Variants in TMEM192 observed in about 807,000 individuals in gnomAD.
TMEM192 encodes transmembrane protein 192.
TMEM192 carries 20 observed loss-of-function variants against 26.7 expected under a neutral mutation model. The observed-to-expected ratio is 0.75, with a 90% CI of 0.53 to 1.09. The LOEUF (loss-of-function observed/expected upper bound fraction) is 1.09. Ranked by LOEUF, TMEM192 falls within the 50% of genes least tolerant of loss-of-function variation. TMEM192 has a pLI of 0.00. For synonymous variants in TMEM192, 124 were observed against 121.0 expected (o/e 1.02, Z -0.16); for missense variants, 304 against 322.6 (o/e 0.94, Z 0.44).
intron 4 of TMEM192, among the ~76,000 whole-genome samples, chr4:165,087,667 C>CGGT (rs149425570): frequency 0.024 from 3,636 of 152,018 alleles, 144 homozygotes; most frequent in African/African-American, 0.083. Context: ...GGGCTGGGTG[C>CGGT]GGTGGGTCAT....
At chr4:165,093,053 G>C (rs1039871594) in intron 3 of TMEM192, among the ~76,000 whole-genome samples, 14 of 145,750 alleles carry the variant, frequency 9.6e-5, no homozygotes, top group Non-Finnish European at 1.7e-4. Flanking sequence ...TTGTAAATCA[G>C]TTTTGTGAAC....
chr4:165,080,522 A>T (rs1157113037), intron 5 of TMEM192, among the ~76,000 whole-genome samples: 1 of 152,142 alleles, frequency 6.6e-6, no homozygotes, highest in African/African-American at 2.4e-5. Flanking sequence ...ATAAAATGTT[A>T]TTGGATGTGT....
intron 3 of TMEM192, among the ~76,000 whole-genome samples, chr4:165,092,354 G>A (rs1560929886): frequency 2.0e-5 from 3 of 151,928 alleles, no homozygotes; most frequent in South Asian, 2.1e-4. Context: ...ACTTCTGACC[G>A]CAAGTGATCC....
intron 3 of TMEM192, among the ~76,000 whole-genome samples, chr4:165,097,585 T>TTG (rs1553989116): frequency 1.2e-4 from 17 of 140,378 alleles, no homozygotes; most frequent in South Asian, 6.7e-4. Flanking sequence ...TTTTTTTTTT[T>TTG]GGAGAAAAAA....
Position 165,076,305 on chromosome 4 carries a change from C to T in TMEM192, c.*3353G>A, listed in dbSNP as rs533851240. The T allele has an allele frequency of 3.9e-5, 6 of 152,256 alleles. No individual in the cohort carries two copies. Among genetic ancestry groups the T allele is most frequent in the Non-Finnish European group, 1.5e-5 (1 of 68,022 alleles). The allele number at this position is 152,256 out of a possible 1,614,324, so 9.4% of individuals were successfully genotyped here. A position where few individuals can be genotyped will look rare whatever the true frequency, so the allele number is the denominator to read the frequency against. On this transcript the variant is annotated 3_prime_UTR_variant, in exon 6 of 6. Transcript: ENST00000306480. Reference sequence around the variant, plus strand: ...TATCTTTCTGCCACACATATTTCCTCCATATTGAACTACCATCTGATCCTG... The same window carrying T: ...TATCTTTCTGCCACACATATTTCCTTCATATTGAACTACCATCTGATCCTG...
intron 3 of TMEM192, among the ~76,000 whole-genome samples, chr4:165,091,623 G>A (rs1439871125): frequency 1.3e-5 from 2 of 152,000 alleles, no homozygotes; most frequent in Non-Finnish European, 1.5e-5. Context: ...TTTATTCTTA[G>A]CAGCAAAGGA....
At chr4:165,089,949 C>T (rs560503923) in intron 3 of TMEM192, among the ~76,000 whole-genome samples, 60 of 152,072 alleles carry the variant, frequency 3.9e-4, no homozygotes, top group Non-Finnish European at 7.9e-4. Context: ...CGGTGGCTCA[C>T]GCCTGTAATC....
intron 1 of TMEM192, among the ~76,000 whole-genome samples, chr4:165,108,214 C>T (rs1735213782): frequency 6.9e-6 from 1 of 145,636 alleles, no homozygotes; most frequent in African/African-American, 2.6e-5. Context: ...GCTCTGCCTC[C>T]TGCGTTCACA....
At chr4:165,100,161 T>TC (rs1238922534) in intron 3 of TMEM192, among the ~76,000 whole-genome samples, 1 of 109,966 alleles carries the variant, frequency 9.1e-6, no homozygotes, top group African/African-American at 5.3e-5. Context: ...TAATAAAAGT[T>TC]CTTTTTTTTT....
intron 4 of TMEM192, 29 bp downstream of exon 4, chr4:165,088,439 T>C (rs755686089): frequency 1.2e-5 from 20 of 1,600,180 alleles, no homozygotes; most frequent in South Asian, 5.6e-5. Context: ...TCGAAGTTCC[T>C]ATAAGAACAG....
rs1355208953 is a variant in TMEM192, at chr4:165,071,755, G to T, written c.*7903C>A. On this transcript the variant is annotated 3_prime_UTR_variant, in exon 6 of 6. Coordinates refer to ENST00000306480, the MANE Select transcript of TMEM192 (RefSeq NM_001100389.2). ...TACACAAAGGAAGAGTAGGAGAGAG[G>T]AGGTGGGGTGGGGTGGGAAGTGGAG... The T allele has an allele frequency of 2.0e-5, 3 of 152,324 alleles. No individual in the cohort carries two copies. The highest frequency in any genetic ancestry group is 7.2e-5 in the African/African-American group (3 of 41,482). The allele number at this position is 152,324 out of a possible 1,614,324, so 9.4% of individuals were successfully genotyped here.
intron 3 of TMEM192, among the ~76,000 whole-genome samples, chr4:165,093,976 T>A (rs1000205223): frequency 1.3e-5 from 2 of 152,202 alleles, no homozygotes; most frequent in African/African-American, 4.8e-5. Flanking sequence ...CTTGGCTGAC[T>A]GTAACCTCCG....
Position 165,078,464 on chromosome 4 carries a change from C to T in TMEM192, c.*1194G>A, listed in dbSNP as rs1228903689. 2.6e-5 allele frequency: 4 copies of T among 152,186 alleles called. No homozygotes were observed. The highest frequency in any genetic ancestry group is 7.2e-5 in the African/African-American group (3 of 41,456). The allele number at this position is 152,186 out of a possible 1,614,324, so 9.4% of individuals were successfully genotyped here. ...AGATATGTTTAATATCTGCATATAA[C>T]TTAATATGCATTTCTTCCATTACAA... On this transcript the variant is annotated 3_prime_UTR_variant, in exon 6 of 6. Transcript: ENST00000306480.
intron 5 of TMEM192, among the ~76,000 whole-genome samples, chr4:165,081,084 G>A (rs68009410): frequency 0.27 from 40,275 of 151,886 alleles, 6,025 homozygotes; most frequent in Admixed American, 0.4. Flanking sequence ...AAGTATATTC[G>A]GAAAAAGACT....
In TMEM192 at chr4:165,076,770, C is replaced by A. The variant is rs1328615242; in HGVS notation, c.*2888G>T. The A allele has an allele frequency of 1.3e-5, 2 of 152,082 alleles. No individual in the cohort carries two copies. The highest frequency in any genetic ancestry group is 3.8e-4 in the East Asian group (2 of 5,196). 9.4% of individuals were successfully genotyped at this position (152,082 alleles called of 1,614,324 possible). On this transcript the variant is annotated 3_prime_UTR_variant, in exon 6 of 6. Coordinates refer to ENST00000306480, the MANE Select transcript of TMEM192 (RefSeq NM_001100389.2). Reference sequence around the variant, plus strand: ...CCAGCCTGGTGAATAGAATGTTTAACATTTAAATTGTTTTGTTCATTTTTC... The same window carrying A: ...CCAGCCTGGTGAATAGAATGTTTAAAATTTAAATTGTTTTGTTCATTTTTC...
rs1431086114 is a variant in TMEM192 at position 165,078,019 on chromosome 4, C to A, written c.*1639G>T. 1 of 151,648 alleles carries A rather than the reference C, an allele frequency of 6.6e-6. No individual in the cohort carries two copies. The highest frequency in any genetic ancestry group is 1.5e-5 in the Non-Finnish European group (1 of 67,956). 9.4% of individuals were successfully genotyped at this position (151,648 alleles called of 1,614,324 possible). On this transcript the variant is annotated 3_prime_UTR_variant, in exon 6 of 6. Coordinates refer to ENST00000306480, the MANE Select transcript of TMEM192 (RefSeq NM_001100389.2). ...CCTTGAGTGATCCTCCTGCCTCAGCCTCCCAAAGTACTAAGATTACAGGCA... is the reference window on the plus strand; with the variant it reads ...CCTTGAGTGATCCTCCTGCCTCAGCATCCCAAAGTACTAAGATTACAGGCA...
At chr4:165,094,849 C>T (rs551990585) in intron 3 of TMEM192, among the ~76,000 whole-genome samples, 4 of 151,996 alleles carry the variant, frequency 2.6e-5, no homozygotes, top group African/African-American at 9.7e-5. Flanking sequence ...TAGCGCACAC[C>T]TGTAATCCCA....
chr4:165,092,053 A>G (rs1734777646), intron 3 of TMEM192, among the ~76,000 whole-genome samples: 1 of 149,646 alleles, frequency 6.7e-6, no homozygotes, highest in Non-Finnish European at 1.5e-5. Flanking sequence ...CCATGTCCCC[A>G]TCTAAAAAAT....
At chr4:165,091,889 C>T (rs979075174) in intron 3 of TMEM192, among the ~76,000 whole-genome samples, 1 of 152,128 alleles carries the variant, frequency 6.6e-6, no homozygotes, top group Non-Finnish European at 1.5e-5. Context: ...TTCCATTAGA[C>T]CAGTTCTTCA....
Sources: allele counts gnomAD v4.1 joint callset (sites outside exome capture counted in the v4.1 genomes callset), GRCh38; gene constraint gnomAD v4.1.1; transcripts MANE v1.5; gene names NCBI Gene and HGNC (gene_info 2026-07-23, HGNC 2026-07-21).